The following KLF12 variants were observed in gnomAD, a reference collection of about 807,000 sequenced individuals.
The protein encoded by KLF12 is Krueppel-like factor 12.
KLF12 carries 9 observed loss-of-function variants against 37.8 expected under a neutral mutation model. That is an observed-to-expected ratio of 0.24 (90% CI 0.14 to 0.42). KLF12 has a LOEUF of 0.42. Among genes scored for constraint, KLF12 ranks in the 10% least tolerant of loss-of-function variants. The pLI is 1.00. For missense variants in KLF12, 411 were observed against 516.0 expected (o/e 0.80, Z 1.97); for synonymous variants, 208 against 202.1 (o/e 1.03, Z -0.25).
At chr13:74,296,043 T>A in the KLF12 span, among the ~76,000 whole-genome samples, 1 of 151,940 alleles carries the variant, frequency 6.6e-6, no homozygotes, top group Non-Finnish European at 1.5e-5. Flanking sequence ...GGTCTGGAAC[T>A]CCTGAGCTCG....
chr13:74,206,026 T>C, the KLF12 span, among the ~76,000 whole-genome samples: 6 of 152,170 alleles, frequency 3.9e-5, no homozygotes, highest in Non-Finnish European at 7.3e-5. Flanking sequence ...GTAGACATAC[T>C]GAGAAGATAA....
chr13:73,885,597 T>C (rs1434056825), intron 3 of KLF12, among the ~76,000 whole-genome samples: 1 of 152,210 alleles, frequency 6.6e-6, no homozygotes, highest in Non-Finnish European at 1.5e-5. Flanking sequence ...AGTGGTCATC[T>C]GAATCAAGAT....
the KLF12 span, among the ~76,000 whole-genome samples, chr13:74,196,131 A>G: frequency 1.3e-5 from 2 of 152,244 alleles, no homozygotes; most frequent in African/African-American, 4.8e-5. Flanking sequence ...TTTAGAGAGC[A>G]CACATACAAC....
the KLF12 span, among the ~76,000 whole-genome samples, chr13:74,243,368 G>T: frequency 6.6e-6 from 1 of 152,086 alleles, no homozygotes. Flanking sequence ...TGGGCATTTG[G>T]GTTGGTTCTA....
chr13:73,963,402 T>C (rs1435354647), intron 2 of KLF12, among the ~76,000 whole-genome samples: 1 of 151,366 alleles, frequency 6.6e-6, no homozygotes, highest in Non-Finnish European at 1.5e-5. Context: ...CTGAAAAACA[T>C]CCAGTGGGAA....
chr13:74,255,483 C>A, the KLF12 span, among the ~76,000 whole-genome samples: 1 of 152,154 alleles, frequency 6.6e-6, no homozygotes, highest in Non-Finnish European at 1.5e-5. Flanking sequence ...TAACAGCAGG[C>A]TACTAATCAG....
intron 2 of KLF12, among the ~76,000 whole-genome samples, chr13:73,985,624 G>T (rs995471950): frequency 3.9e-5 from 6 of 152,048 alleles, no homozygotes; most frequent in Admixed American, 3.3e-4. Context: ...CAATCTTCCA[G>T]CTTCTCATTG....
At chr13:73,960,505 G>C (rs1890990384) in intron 2 of KLF12, 1 of 194,496 alleles carries the variant, frequency 5.1e-6, no homozygotes, top group Non-Finnish European at 1.1e-5. Context: ...CCAATGGTTG[G>C]GATAAAAAAA....
chr13:73,888,022 A>G (rs1036612498), intron 3 of KLF12, among the ~76,000 whole-genome samples: 1 of 149,476 alleles, frequency 6.7e-6, no homozygotes, highest in African/African-American at 2.5e-5. Context: ...TTTTTTTTTG[A>G]GATGGAGTCT....
intron 1 of KLF12, among the ~76,000 whole-genome samples, chr13:74,123,126 C>T (rs556303974): frequency 1.3e-5 from 2 of 151,926 alleles, no homozygotes; most frequent in African/African-American, 4.8e-5. Flanking sequence ...CTTAAAGAGT[C>T]ACAGAAATAA....
intron 3 of KLF12, among the ~76,000 whole-genome samples, chr13:73,862,576 T>C (rs1307108477): frequency 4.6e-5 from 7 of 152,086 alleles, no homozygotes; most frequent in Non-Finnish European, 8.8e-5. Context: ...CATTTGTCTC[T>C]TATTTTGTGC....
intron 4 of KLF12, among the ~76,000 whole-genome samples, chr13:73,842,122 C>T (rs888780512): frequency 6.6e-6 from 1 of 152,114 alleles, no homozygotes; most frequent in Admixed American, 6.5e-5. Context: ...TTAAAAAAAT[C>T]TTTGCATGCC....
chr13:73,758,881 A>T (rs1447462865), intron 6 of KLF12, among the ~76,000 whole-genome samples: 1 of 152,120 alleles, frequency 6.6e-6, no homozygotes, highest in Non-Finnish European at 1.5e-5. Context: ...GGTGATAGAG[A>T]AGTTAAGAAA....
At chr13:73,983,026 A>G (rs1384131409) in intron 2 of KLF12, among the ~76,000 whole-genome samples, 2 of 151,964 alleles carry the variant, frequency 1.3e-5, no homozygotes, top group Admixed American at 1.3e-4. Flanking sequence ...GCTCTTACTC[A>G]CATTTCATTC....
chr13:74,041,183 C>T (rs1453778225), intron 1 of KLF12, among the ~76,000 whole-genome samples: 2 of 152,198 alleles, frequency 1.3e-5, no homozygotes, highest in Non-Finnish European at 2.9e-5. Flanking sequence ...TCACAGAAAT[C>T]CCACCTCCTT....
At chr13:74,113,317 C>G (rs1180079570) in intron 1 of KLF12, among the ~76,000 whole-genome samples, 1 of 152,168 alleles carries the variant, frequency 6.6e-6, no homozygotes, top group Non-Finnish European at 1.5e-5. Flanking sequence ...GACAAAACAG[C>G]AACCTATCGC....
At chr13:73,951,408 T>C (rs1290313512) in intron 2 of KLF12, among the ~76,000 whole-genome samples, 4 of 152,226 alleles carry the variant, frequency 2.6e-5, no homozygotes, top group Non-Finnish European at 5.9e-5. Flanking sequence ...TTATATAATC[T>C]GTCCAAGATT....
intron 3 of KLF12, among the ~76,000 whole-genome samples, chr13:73,927,601 G>T (rs1023934884): frequency 9.2e-5 from 14 of 151,768 alleles, no homozygotes; most frequent in African/African-American, 3.1e-4. Flanking sequence ...TTTTGAGATC[G>T]AGTCTTGCTC....
the KLF12 span, among the ~76,000 whole-genome samples, chr13:74,166,450 T>A: frequency 2.0e-5 from 3 of 152,064 alleles, no homozygotes; most frequent in East Asian, 3.9e-4. Context: ...GAATGCTCTA[T>A]CTAAGGATGA....
Sources: gnomAD v4.1 joint callset for allele counts (sites outside exome capture counted in the v4.1 genomes callset) on GRCh38, gnomAD v4.1.1 for gene constraint, MANE v1.5 for transcripts, NCBI Gene and HGNC (gene_info 2026-07-23, HGNC 2026-07-21) for gene names.